The following STAU2 variants were observed in gnomAD, a reference collection of about 807,000 sequenced individuals.
STAU2 encodes the protein double-stranded RNA-binding protein Staufen homolog 2.
Under a neutral mutation model 65.9 loss-of-function variants are expected in STAU2, and 20 were observed. That is an observed-to-expected ratio of 0.30 (90% CI 0.21 to 0.44). The LOEUF is 0.44. Ranked by LOEUF, STAU2 falls within the 20% of genes least tolerant of loss-of-function variation. The probability of loss-of-function intolerance (pLI) is 1.00; values close to 1 mark genes in which losing one functional copy is unlikely to be tolerated. For missense variants in STAU2, 558 were observed against 683.9 expected (o/e 0.82, Z 2.05); for synonymous variants, 232 against 233.9 (o/e 0.99, Z 0.07).
intron 13 of STAU2, among the ~76,000 whole-genome samples, chr8:73,496,510 G>C (rs1585875132): frequency 6.6e-6 from 1 of 151,628 alleles, no homozygotes; most frequent in Admixed American, 6.6e-5. Context: ...TACATGTTTA[G>C]ATCAATCCCT....
At chr8:73,473,910 T>C (rs1486860719) in intron 13 of STAU2, among the ~76,000 whole-genome samples, 2 of 152,108 alleles carry the variant, frequency 1.3e-5, no homozygotes, top group African/African-American at 4.8e-5. Context: ...AGGTTGGAAA[T>C]TTCCAGCTAC....
intron 5 of STAU2, among the ~76,000 whole-genome samples, chr8:73,687,961 G>A (rs910909804): frequency 6.6e-6 from 1 of 150,688 alleles, no homozygotes; most frequent in African/African-American, 2.4e-5. Flanking sequence ...TGATCCACCT[G>A]CCTCGGCCTC....
intron 9 of STAU2, among the ~76,000 whole-genome samples, chr8:73,609,133 G>T (rs1169683862): frequency 6.6e-6 from 1 of 152,142 alleles, no homozygotes; most frequent in African/African-American, 2.4e-5. Flanking sequence ...GAAATACTAA[G>T]TGGGGATGTC....
At position 73,710,985 on chromosome 8, in the gene STAU2, GA is replaced by G. The variant is rs368928080; in HGVS notation, c.-17-1824del. On this transcript the variant is annotated intron_variant, in intron 3 of 14. Coordinates refer to ENST00000524300, the MANE Select transcript of STAU2 (RefSeq NM_001164380.2). ...ATAATTTGTACAATGGCTTGATTGT[GA>G]TAATTATGATTAAGAAACTATTTTA... 1.8e-4 allele frequency among the ~76,000 whole-genome samples: 28 copies of G among 151,714 alleles called. No homozygotes were observed. In the East Asian group the frequency reaches 4.1e-3, roughly 22 times the overall value.
intron 3 of STAU2, among the ~76,000 whole-genome samples, chr8:73,715,761 G>A (rs888850514): frequency 2.6e-5 from 4 of 152,172 alleles, no homozygotes; most frequent in South Asian, 4.1e-4. Flanking sequence ...CTATAAATGA[G>A]ATAAATATTA....
At chr8:73,719,236 T>C (rs989757612) in intron 3 of STAU2, among the ~76,000 whole-genome samples, 1 of 152,110 alleles carries the variant, frequency 6.6e-6, no homozygotes, top group Non-Finnish European at 1.5e-5. Context: ...ACCCCGTCTC[T>C]ACTAAAAAAT....
chr8:73,717,762 C>T (rs573517603), intron 3 of STAU2, among the ~76,000 whole-genome samples: 22 of 151,498 alleles, frequency 1.5e-4, no homozygotes, highest in Admixed American at 1.4e-3. Context: ...ATTCTGCCGC[C>T]TATTTACCTA....
chr8:73,684,788 T>C (rs1182201630), intron 5 of STAU2, among the ~76,000 whole-genome samples: 1 of 152,002 alleles, frequency 6.6e-6, no homozygotes, highest in Non-Finnish European at 1.5e-5. Flanking sequence ...AAAAGTCAGC[T>C]AAGGACACGA....
At chr8:73,504,814 GT>G in intron 13 of STAU2, among the ~76,000 whole-genome samples, 1 of 151,940 alleles carries the variant, frequency 6.6e-6, no homozygotes, top group Non-Finnish European at 1.5e-5. Flanking sequence ...ATGGCTATTG[GT>G]TTTCTTTCAA....
At chr8:73,714,788 T>C (rs1821126883) in intron 3 of STAU2, among the ~76,000 whole-genome samples, 1 of 151,860 alleles carries the variant, frequency 6.6e-6, no homozygotes, top group South Asian at 2.1e-4. Context: ...ATACTTGCAA[T>C]ATGTGAAGAA....
intron 13 of STAU2, among the ~76,000 whole-genome samples, chr8:73,511,872 A>G (rs984960886): frequency 2.0e-5 from 3 of 152,160 alleles, no homozygotes; most frequent in Admixed American, 6.6e-5. Flanking sequence ...TTCTTTGAGA[A>G]GTTTTAAAGT....
At chr8:73,743,600 A>G (rs1384324179) in intron 1 of STAU2, among the ~76,000 whole-genome samples, 1 of 150,114 alleles carries the variant, frequency 6.7e-6, no homozygotes, top group Non-Finnish European at 1.5e-5. Flanking sequence ...CAGCCTCCTG[A>G]GTAGCTGCGA....
At chr8:73,742,289 T>G in intron 1 of STAU2, 1 of 968,896 alleles carries the variant, frequency 1.0e-6, no homozygotes, top group Non-Finnish European at 1.2e-6. Flanking sequence ...TCCCAGCACT[T>G]TTGGAGTCTG....
rs1321236318 is a variant in STAU2 at position 73,613,967 on chromosome 8, CA to C, written c.679-12del. 12 of 1,569,232 alleles carry C rather than the reference CA, an allele frequency of 7.6e-6. No individual in the cohort carries two copies. Among genetic ancestry groups the C allele is most frequent in the Non-Finnish European group, 1.0e-5 (12 of 1,155,108 alleles). ...ACTTTCTTTAATAACCTATTAAATA[CA>C]AGTAAAATATTAAATAATGGATAGG... On this transcript the variant is annotated splice_polypyrimidine_tract_variant and intron_variant, in intron 8 of 14. Coordinates refer to ENST00000524300, the MANE Select transcript of STAU2 (RefSeq NM_001164380.2).
chr8:73,688,688 C>T lies in STAU2; in HGVS notation c.240G>A (p.Gln80=), dbSNP rs1190328510. The T allele has an allele frequency of 6.2e-7, 1 of 1,614,134 alleles. No individual in the cohort carries two copies. The highest frequency in any genetic ancestry group is 8.5e-7 in the Non-Finnish European group (1 of 1,180,036). The part of the protein sequence containing the change: ...LTESTLPKPV[Q]KPPKSNVNNN... ...TGTTAACATTACTTTTGGGTGGCTT[C>T]TGAACTGGTTTGGGAAGCGTAGATT... Residue 80 remains glutamine (Q), a synonymous_variant, in exon 5 of 15, where the codon CAG becomes CAA. Coordinates refer to ENST00000524300, the MANE Select transcript of STAU2 (RefSeq NM_001164380.2).
intron 6 of STAU2, among the ~76,000 whole-genome samples, chr8:73,629,751 C>T (rs1813953202): frequency 6.6e-6 from 1 of 152,124 alleles, no homozygotes; most frequent in Admixed American, 6.5e-5. Context: ...GGAGCCAATA[C>T]CACTGTCTGA....
chr8:73,447,625 C>T (rs1818545428), intron 13 of STAU2, among the ~76,000 whole-genome samples: 1 of 152,104 alleles, frequency 6.6e-6, no homozygotes. Context: ...TGGGTAAAAG[C>T]AGCTTTAAAG....
intron 13 of STAU2, among the ~76,000 whole-genome samples, chr8:73,538,727 G>C (rs1806340159): frequency 6.7e-6 from 1 of 150,042 alleles, no homozygotes; most frequent in Non-Finnish European, 1.5e-5. Flanking sequence ...TCATAGTAAT[G>C]GGGACCAAGA....
chr8:73,494,631 G>T (rs1821308622), intron 13 of STAU2, among the ~76,000 whole-genome samples: 1 of 151,622 alleles, frequency 6.6e-6, no homozygotes, highest in South Asian at 2.1e-4. Context: ...GGTTCTGCTT[G>T]ATCAGTTGAT....
Sources: allele counts gnomAD v4.1 joint callset (sites outside exome capture counted in the v4.1 genomes callset), GRCh38; gene constraint gnomAD v4.1.1; transcripts MANE v1.5; gene names NCBI Gene and HGNC (gene_info 2026-07-23, HGNC 2026-07-21).